Variants in SGCZ observed in about 807,000 individuals in gnomAD.
SGCZ encodes the protein sarcoglycan zeta, also known as zeta-sarcoglycan.
In SGCZ, 40 loss-of-function variants were observed where a neutral mutation model predicts 41.3. That is an observed-to-expected ratio of 0.97 (90% CI 0.75 to 1.26). The LOEUF (loss-of-function observed/expected upper bound fraction) is 1.26. Ranked by LOEUF, SGCZ falls within the 50% of genes most tolerant of loss-of-function variation. The pLI, the probability that SGCZ is intolerant of heterozygous loss-of-function variation, is 0.00. For synonymous variants in SGCZ, 206 were observed against 137.5 expected (o/e 1.50, Z -3.49); for missense variants, 552 against 369.8 (o/e 1.49, Z -4.04).
intron 1 of SGCZ, among the ~76,000 whole-genome samples, chr8:14,932,617 C>A (rs545100224): frequency 6.6e-6 from 1 of 151,972 alleles, no homozygotes; most frequent in Non-Finnish European, 1.5e-5. Flanking sequence ...CTCAGAATAG[C>A]TCTCAGCCAA....
intron 1 of SGCZ, among the ~76,000 whole-genome samples, chr8:14,755,700 G>T (rs1424614540): frequency 6.6e-6 from 1 of 151,920 alleles, no homozygotes; most frequent in Non-Finnish European, 1.5e-5. Context: ...GATCTTTATT[G>T]GTAAATATCA....
chr8:14,454,700 T>C (rs147447194), intron 2 of SGCZ, among the ~76,000 whole-genome samples: 3 of 152,136 alleles, frequency 2.0e-5, no homozygotes, highest in African/African-American at 7.2e-5. Flanking sequence ...ACCAGTGAAA[T>C]AGAATGGGAA....
intron 1 of SGCZ, among the ~76,000 whole-genome samples, chr8:14,993,884 A>T (rs1473911377): frequency 6.6e-6 from 1 of 152,182 alleles, no homozygotes. Context: ...ACTTTGAATA[A>T]AGCGTCATAT....
chr8:14,669,990 A>AAGT (rs1188920845), intron 1 of SGCZ, among the ~76,000 whole-genome samples: 1 of 152,206 alleles, frequency 6.6e-6, no homozygotes, highest in Non-Finnish European at 1.5e-5. Flanking sequence ...CAGCATATAC[A>AAGT]AGTACAGCAT....
intron 1 of SGCZ, among the ~76,000 whole-genome samples, chr8:14,856,731 T>A (rs1803557069): frequency 6.6e-6 from 1 of 152,122 alleles, no homozygotes; most frequent in African/African-American, 2.4e-5. Context: ...GTTTAAAAGC[T>A]CCCTAGGTAA....
At chr8:14,376,448 C>T (rs1340543821) in intron 2 of SGCZ, among the ~76,000 whole-genome samples, 4 of 152,076 alleles carry the variant, frequency 2.6e-5, no homozygotes, top group African/African-American at 9.7e-5. Flanking sequence ...TGACATTTAA[C>T]CTTTATCCTT....
rs975965446 is a variant in SGCZ, at chr8:15,109,959, G to A, written c.39+127626C>T. Among the ~76,000 whole-genome samples the A allele has an allele frequency of 5.3e-5, 8 of 152,242 alleles. 1 individual carries two copies. In the Middle Eastern group the frequency reaches 0.02, roughly 388 times the overall value. ...TATACATTAAACTTTTAATGTTACA[G>A]TCACTAAATCAAATAATTTTAAAAA... On this transcript the variant is annotated intron_variant, in intron 1 of 7. Coordinates refer to ENST00000382080, the MANE Select transcript of SGCZ (RefSeq NM_139167.4).
chr8:14,713,426 T>C (rs1009267515), intron 1 of SGCZ, among the ~76,000 whole-genome samples: 1 of 152,098 alleles, frequency 6.6e-6, no homozygotes, highest in Non-Finnish European at 1.5e-5. Flanking sequence ...GGGAAAAAAG[T>C]ATAAAATCAG....
At chr8:14,146,112 T>C (rs1306698905) in intron 5 of SGCZ, among the ~76,000 whole-genome samples, 12 of 152,082 alleles carry the variant, frequency 7.9e-5, no homozygotes, top group Non-Finnish European at 1.3e-4. Context: ...CCAAGCAGAT[T>C]CAACCCAAAG....
At chr8:14,145,486 C>T (rs1331819132) in intron 5 of SGCZ, among the ~76,000 whole-genome samples, 1 of 152,160 alleles carries the variant, frequency 6.6e-6, no homozygotes, top group Non-Finnish European at 1.5e-5. Flanking sequence ...TAATCCCAGA[C>T]AGTGGAGACT....
chr8:14,503,990 A>T (rs1347125004), intron 2 of SGCZ, among the ~76,000 whole-genome samples: 1 of 152,188 alleles, frequency 6.6e-6, no homozygotes, highest in Non-Finnish European at 1.5e-5. Context: ...ACTGTATTTT[A>T]CATCTTATGA....
chr8:14,408,378 G>A (rs1214911488), intron 2 of SGCZ, among the ~76,000 whole-genome samples: 1 of 152,026 alleles, frequency 6.6e-6, no homozygotes, highest in Non-Finnish European at 1.5e-5. Context: ...GGACCCCTGG[G>A]AGTTTTCTAC....
rs148347506 is a variant in SGCZ at position 14,750,887 on chromosome 8, T to C, written c.40-195961A>G. ...TTCTCCTTTTATCTTTCAGTCTCTT[T>C]TGTATGAATAAAACAGATTGTGACT... On this transcript the variant is annotated intron_variant, in intron 1 of 7. Transcript: ENST00000382080. Among the ~76,000 whole-genome samples, 416 of 152,316 alleles carry C rather than the reference T, an allele frequency of 2.7e-3. 3 individuals are homozygous for C. The highest frequency in any genetic ancestry group is 9.5e-3 in the African/African-American group (397 of 41,582).
Position 14,944,687 on chromosome 8 carries a change from T to C in SGCZ, c.39+292898A>G, listed in dbSNP as rs373143026. Among the ~76,000 whole-genome samples, 21 of 152,192 alleles carry C rather than the reference T, an allele frequency of 1.4e-4. No homozygotes were observed. In the East Asian group the frequency reaches 1.9e-3, roughly 14 times the overall value. On this transcript the variant is annotated intron_variant, in intron 1 of 7. Transcript: ENST00000382080. ...TTATATACTATGTACATGGGCTCTT[T>C]AACACAGGGTTACATCCTGATAAAC...
intron 2 of SGCZ, among the ~76,000 whole-genome samples, chr8:14,331,907 A>G (rs1195517646): frequency 2.0e-5 from 3 of 151,902 alleles, no homozygotes; most frequent in African/African-American, 7.2e-5. Flanking sequence ...TAATACAGGA[A>G]ATATGTATCA....
chr8:15,062,531 A>G (rs112973168), intron 1 of SGCZ, among the ~76,000 whole-genome samples: 2 of 152,170 alleles, frequency 1.3e-5, no homozygotes, highest in Non-Finnish European at 2.9e-5. Flanking sequence ...ATTTGAACAT[A>G]TCTGTATCCA....
In SGCZ at chr8:14,707,444, G is replaced by A. The variant is rs953765292; in HGVS notation, c.40-152518C>T. On this transcript the variant is annotated intron_variant, in intron 1 of 7. Transcript: ENST00000382080. The stretch of plus-strand genomic sequence containing the variant: ...TTTCCCAAAACAAGGAGAAAGAATA[G>A]CAAAACCAGTCTTCAAATTTCCCAT... 9.2e-5 allele frequency among the ~76,000 whole-genome samples: 14 copies of A among 152,166 alleles called. No homozygotes were observed. In the East Asian group the frequency reaches 2.7e-3, roughly 29 times the overall value.
At chr8:14,166,354 G>A (rs1804210441) in intron 4 of SGCZ, among the ~76,000 whole-genome samples, 1 of 152,106 alleles carries the variant, frequency 6.6e-6, no homozygotes, top group African/African-American at 2.4e-5. Context: ...ATTCATTTGA[G>A]TGTGATTTGT....
intron 1 of SGCZ, among the ~76,000 whole-genome samples, chr8:14,771,724 A>T (rs1055350865): frequency 2.0e-5 from 3 of 152,154 alleles, no homozygotes; most frequent in Admixed American, 6.5e-5. Flanking sequence ...CGAAGATAAG[A>T]TCAAGAAAAT....
Sources: gnomAD v4.1 joint callset for allele counts (sites outside exome capture counted in the v4.1 genomes callset) on GRCh38, gnomAD v4.1.1 for gene constraint, MANE v1.5 for transcripts, NCBI Gene and HGNC (gene_info 2026-07-23, HGNC 2026-07-21) for gene names.